Variants in TEK observed in about 807,000 individuals in gnomAD.
TEK encodes the protein TEK receptor tyrosine kinase.
A neutral mutation model predicts 131.8 loss-of-function variants in TEK; 43 were observed. That is an observed-to-expected ratio of 0.33 (90% CI 0.26 to 0.42). TEK has a LOEUF of 0.42. TEK is among the 10% of genes least tolerant of loss of function. The probability of loss-of-function intolerance (pLI) is 1.00; values close to 1 mark genes in which losing one functional copy is unlikely to be tolerated. For synonymous variants in TEK, 580 were observed against 491.6 expected (o/e 1.18, Z -2.38); for missense variants, 1,162 against 1,384.4 (o/e 0.84, Z 2.55).
chr9:27,224,121 A>T (rs1826206134), intron 21 of TEK, among the ~76,000 whole-genome samples: 1 of 152,204 alleles, frequency 6.6e-6, no homozygotes, highest in Non-Finnish European at 1.5e-5. Flanking sequence ...CAGAATTAAT[A>T]GCTTACCTAC....
intron 1 of TEK, among the ~76,000 whole-genome samples, chr9:27,131,501 T>C (rs1402234192): frequency 6.8e-6 from 1 of 147,020 alleles, no homozygotes; most frequent in African/African-American, 2.5e-5. Context: ...AAAAAAGTTA[T>C]GATAAAATTA....
intron 1 of TEK, among the ~76,000 whole-genome samples, chr9:27,144,010 G>A (rs763347964): frequency 6.6e-6 from 1 of 152,228 alleles, no homozygotes; most frequent in Non-Finnish European, 1.5e-5. Flanking sequence ...GAGGTTGGGC[G>A]CGGTGGCTTA....
At chr9:27,195,578 A>G in intron 11 of TEK, 1 of 452,576 alleles carries the variant, frequency 2.2e-6, no homozygotes. Context: ...GAATTAGAGG[A>G]TCTCTATCCT....
chr9:27,222,547 G>A (rs1587050829), intron 21 of TEK, among the ~76,000 whole-genome samples: 1 of 152,178 alleles, frequency 6.6e-6, no homozygotes, highest in Non-Finnish European at 1.5e-5. Flanking sequence ...AGAAGAGAGT[G>A]GGGGCCAGTA....
At chr9:27,203,468 T>C (rs555793695) in intron 13 of TEK, among the ~76,000 whole-genome samples, 15 of 151,298 alleles carry the variant, frequency 9.9e-5, no homozygotes, top group South Asian at 8.4e-4. Flanking sequence ...CCAAGAACCA[T>C]GCTCCATTCT....
chr9:27,109,832 G>C (rs967162988), intron 1 of TEK, among the ~76,000 whole-genome samples, 190 bp downstream of exon 1: 2 of 152,162 alleles, frequency 1.3e-5, no homozygotes, highest in Admixed American at 6.5e-5. Flanking sequence ...GGCATGAACT[G>C]ATTTTGCTAG....
chr9:27,123,016 G>A (rs1386249554), intron 1 of TEK, among the ~76,000 whole-genome samples: 1 of 122,066 alleles, frequency 8.2e-6, no homozygotes, highest in East Asian at 2.8e-4. Flanking sequence ...TGGCGCCACT[G>A]CACTCCAGCC....
At chr9:27,154,579 C>T (rs1017359017) in intron 1 of TEK, among the ~76,000 whole-genome samples, 3 of 152,198 alleles carry the variant, frequency 2.0e-5, no homozygotes, top group African/African-American at 7.2e-5. Flanking sequence ...TATGTGTCAC[C>T]TTCTAGAAAT....
At chr9:27,204,344 C>T (rs978848044) in intron 13 of TEK, among the ~76,000 whole-genome samples, 1 of 152,050 alleles carries the variant, frequency 6.6e-6, no homozygotes, top group Non-Finnish European at 1.5e-5. Context: ...TTATTTTGAC[C>T]TGAGCCCTAA....
At chr9:27,162,204 T>C (rs192211862) in intron 2 of TEK, among the ~76,000 whole-genome samples, 1 of 152,302 alleles carries the variant, frequency 6.6e-6, no homozygotes, top group African/African-American at 2.4e-5. Flanking sequence ...TATTAAAACA[T>C]CATGGAAACT....
rs562775435 is a variant in TEK at position 27,224,733 on chromosome 9, C to T, written c.3201-3473C>T. The stretch of plus-strand genomic sequence containing the variant: ...GCCCTCTCTCGCCCCTCCTGTTCAA[C>T]GTAGGATTGAAAGTTCTGGCCAGGG... On this transcript the variant is annotated intron_variant, in intron 21 of 22. Coordinates refer to ENST00000380036, the MANE Select transcript of TEK (RefSeq NM_000459.5). 7.9e-5 allele frequency among the ~76,000 whole-genome samples: 12 copies of T among 152,202 alleles called. No homozygotes were observed. The South Asian group carries it at 1.9e-3, about 24-fold the overall frequency.
chr9:27,197,723 A>T, intron 12 of TEK, 124 bp downstream of exon 12: 2 of 1,182,236 alleles, frequency 1.7e-6, no homozygotes, highest in Non-Finnish European at 2.5e-6. Context: ...AGAGAAGGCT[A>T]ATTAGTGCCC....
intron 1 of TEK, among the ~76,000 whole-genome samples, chr9:27,151,644 C>T (rs1019933104): frequency 1.3e-5 from 2 of 152,122 alleles, no homozygotes; most frequent in Non-Finnish European, 2.9e-5. Context: ...TCTCTTAGTA[C>T]CTGTCTGTAT....
chr9:27,164,321 ATT>A (rs35837600), intron 2 of TEK, among the ~76,000 whole-genome samples: 6 of 140,236 alleles, frequency 4.3e-5, no homozygotes, highest in East Asian at 2.1e-4. Context: ...TACAGTCTTG[ATT>A]TTTTTTTTTT....
chr9:27,225,996 G>C (rs991870249), intron 21 of TEK, among the ~76,000 whole-genome samples: 5 of 152,158 alleles, frequency 3.3e-5, no homozygotes, highest in African/African-American at 1.2e-4. Flanking sequence ...ATCATCACTG[G>C]TCATTAGAGA....
At chr9:27,181,749 C>G (rs1295638551) in intron 7 of TEK, among the ~76,000 whole-genome samples, 1 of 152,142 alleles carries the variant, frequency 6.6e-6, no homozygotes, top group Non-Finnish European at 1.5e-5. Flanking sequence ...TGTTTGCTAT[C>G]CACTGTCGTA....
At chr9:27,133,842 C>T (rs1410466536) in intron 1 of TEK, among the ~76,000 whole-genome samples, 1 of 152,174 alleles carries the variant, frequency 6.6e-6, no homozygotes, top group African/African-American at 2.4e-5. Flanking sequence ...TTTGGTAAAA[C>T]GATGCCTCTG....
At chr9:27,217,443 C>T (rs754476119) in intron 18 of TEK, among the ~76,000 whole-genome samples, 10 of 152,266 alleles carry the variant, frequency 6.6e-5, no homozygotes, top group East Asian at 1.9e-4. Context: ...AAGGAATGAC[C>T]GACTACCATG....
intron 12 of TEK, 28 bp from the exon 13 acceptor site, chr9:27,202,792 G>C (rs1240497183): frequency 6.2e-7 from 1 of 1,608,458 alleles, no homozygotes; most frequent in Admixed American, 1.7e-5. Context: ...TATATCTTAA[G>C]TGAATCTTTT....
Sources: allele counts gnomAD v4.1 joint callset (sites outside exome capture counted in the v4.1 genomes callset), GRCh38; gene constraint gnomAD v4.1.1; transcripts MANE v1.5; gene names NCBI Gene and HGNC (gene_info 2026-07-23, HGNC 2026-07-21).